ITGA9: variants seen among roughly 807,000 people sequenced by gnomAD.
The protein encoded by ITGA9 is integrin alpha-9.
Under a neutral mutation model 127.8 loss-of-function variants are expected in ITGA9, and 56 were observed. That is an observed-to-expected ratio of 0.44 (90% CI 0.35 to 0.55). The LOEUF is 0.55. Among genes scored for constraint, ITGA9 ranks in the 20% least tolerant of loss-of-function variants. The pLI, the probability that ITGA9 is intolerant of heterozygous loss-of-function variation, is 0.00. For missense variants in ITGA9, 1,196 were observed against 1,347.1 expected, an observed-to-expected ratio of 0.89 and a Z score of 1.76; for synonymous variants, 508 against 514.5, an observed-to-expected ratio of 0.99 and a Z score of 0.17.
chr3:37,741,405 G>A lies in ITGA9; in HGVS notation c.2235-325G>A, dbSNP rs577280492. On this transcript the variant is annotated intron_variant, in intron 20 of 27. Transcript: ENST00000264741. ...GTCCCCGCGAGACTGGGCCCTGGCT[G>A]CCGACAGCACGACCCTCCTGTATGG... 2.2e-3 allele frequency among the ~76,000 whole-genome samples: 341 copies of A among 152,236 alleles called. 1 individual carries two copies. The highest frequency in any genetic ancestry group is 3.1e-3 in the Non-Finnish European group (210 of 68,012).
chr3:37,655,195 T>C (rs1037930920), intron 17 of ITGA9, among the ~76,000 whole-genome samples: 6 of 152,374 alleles, frequency 3.9e-5, no homozygotes, highest in Non-Finnish European at 8.8e-5. Context: ...CATAATCCTT[T>C]GGGTATGTAT....
rs574131800 is a variant in ITGA9 at position 37,772,583 on chromosome 3, A to AC, written c.2542-4807dup. 9.9e-5 allele frequency among the ~76,000 whole-genome samples: 15 copies of AC among 151,938 alleles called. 2 individuals are homozygous for AC. In the South Asian group the frequency reaches 3.1e-3, roughly 32 times the overall value. On this transcript the variant is annotated intron_variant, in intron 23 of 27. Coordinates refer to ENST00000264741, the MANE Select transcript of ITGA9 (RefSeq NM_002207.3). ...GGTACCTGTTCAACACACTTAGAGGACCGCCTCCCTCCACCTTGATGACCC... is the reference window on the plus strand; with the variant it reads ...GGTACCTGTTCAACACACTTAGAGGACCCGCCTCCCTCCACCTTGATGACCC...
chr3:37,638,812 CTG>C (rs1269095959), intron 16 of ITGA9, among the ~76,000 whole-genome samples: 4 of 152,166 alleles, frequency 2.6e-5, no homozygotes, highest in African/African-American at 9.7e-5. Flanking sequence ...GCTGCACAGA[CTG>C]TGTGTGTAAC....
intron 15 of ITGA9, among the ~76,000 whole-genome samples, chr3:37,563,896 T>C (rs1699520434): frequency 6.6e-6 from 1 of 152,256 alleles, no homozygotes; most frequent in Non-Finnish European, 1.5e-5. Context: ...CCTTCCTTGA[T>C]GAGACCCAGA....
chr3:37,707,834 A>T (rs1366859680), intron 18 of ITGA9, among the ~76,000 whole-genome samples: 1 of 152,112 alleles, frequency 6.6e-6, no homozygotes, highest in Non-Finnish European at 1.5e-5. Context: ...CTTCTTAGAA[A>T]GTGGTGTGTG....
In ITGA9 at chr3:37,562,326, C is replaced by T. The variant is rs112583740; in HGVS notation, c.1689+19741C>T. Among the ~76,000 whole-genome samples, 1,145 of 152,310 alleles carry T rather than the reference C, an allele frequency of 7.5e-3. 11 individuals carry two copies. Among genetic ancestry groups the T allele is most frequent in the Non-Finnish European group, 9.8e-3 (665 of 68,032 alleles). On this transcript the variant is annotated intron_variant, in intron 15 of 27. Transcript: ENST00000264741. ...TGTCCCCATCCCCACTGCCTACTTC[C>T]TCCAGACTCAGCATCCTGAGTTCCT...
chr3:37,703,993 G>A (rs1358388275), intron 18 of ITGA9, among the ~76,000 whole-genome samples: 1 of 152,100 alleles, frequency 6.6e-6, no homozygotes, highest in Non-Finnish European at 1.5e-5. Flanking sequence ...ATTGGGGCTG[G>A]GGTTCAGGCA....
chr3:37,628,757 G>A (rs1700200686), intron 15 of ITGA9, among the ~76,000 whole-genome samples: 1 of 152,146 alleles, frequency 6.6e-6, no homozygotes, highest in Admixed American at 6.5e-5. Flanking sequence ...CTCAGTCTTT[G>A]GATTCCCTGC....
chr3:37,773,901 A>G (rs755853240), intron 23 of ITGA9, among the ~76,000 whole-genome samples: 2 of 152,238 alleles, frequency 1.3e-5, no homozygotes, highest in African/African-American at 2.4e-5. Context: ...TTTTATAAGA[A>G]TGATATATTA....
chr3:37,684,256 C>G (rs1195903625), intron 18 of ITGA9, among the ~76,000 whole-genome samples: 5 of 152,200 alleles, frequency 3.3e-5, no homozygotes, highest in Non-Finnish European at 7.3e-5. Flanking sequence ...TCTCCCATCC[C>G]TTCTCTCTTG....
intron 3 of ITGA9, 125 bp from the exon 4 acceptor site, chr3:37,481,359 G>A: frequency 6.2e-6 from 8 of 1,284,114 alleles, no homozygotes; most frequent in Non-Finnish European, 9.1e-6. Context: ...TTATGAAGGT[G>A]TGGCTTTCTG....
At chr3:37,565,609 G>A (rs1699538675) in intron 15 of ITGA9, among the ~76,000 whole-genome samples, 1 of 152,198 alleles carries the variant, frequency 6.6e-6, no homozygotes, top group Non-Finnish European at 1.5e-5. Context: ...TTCTGGAGGT[G>A]GATGGTGGTG....
At position 37,585,507 on chromosome 3, in the gene ITGA9, G is replaced by A. The variant is rs1699749280; in HGVS notation, c.1689+42922G>A. 1.1e-5 allele frequency: 5 copies of A among 454,856 alleles called. No individual in the cohort carries two copies. In the Admixed American group the frequency reaches 1.1e-4, roughly 10 times the overall value. The allele number at this position is 454,856 out of a possible 1,614,324, so 28.2% of individuals were successfully genotyped here. Reference sequence around the variant, plus strand: ...AAATAAGGTTTTACTTTTCTTCTTTGGGATTTCTTAGCATGCCCGTTGGGA... The same window carrying A: ...AAATAAGGTTTTACTTTTCTTCTTTAGGATTTCTTAGCATGCCCGTTGGGA... On this transcript the variant is annotated intron_variant, in intron 15 of 27. Transcript: ENST00000264741.
chr3:37,605,928 G>A (rs1310218336), intron 15 of ITGA9, among the ~76,000 whole-genome samples: 2 of 152,014 alleles, frequency 1.3e-5, no homozygotes, highest in Admixed American at 6.5e-5. Context: ...TCTGTAGGTG[G>A]TGCATGAGTA....
chr3:37,748,938 TTA>T, intron 22 of ITGA9: 2 of 688,472 alleles, frequency 2.9e-6, no homozygotes, highest in South Asian at 3.3e-5. Flanking sequence ...TCTGGACTGT[TTA>T]AAAAAAAAAA....
chr3:37,616,870 G>T (rs1700080055), intron 15 of ITGA9, among the ~76,000 whole-genome samples: 1 of 152,220 alleles, frequency 6.6e-6, no homozygotes, highest in Non-Finnish European at 1.5e-5. Flanking sequence ...CTGCACGTGA[G>T]ATGGGTCTGC....
chr3:37,527,327 G>A (rs571769106), intron 13 of ITGA9, among the ~76,000 whole-genome samples: 13 of 152,286 alleles, frequency 8.5e-5, no homozygotes, highest in African/African-American at 2.2e-4. Context: ...ATTATAAGTC[G>A]GGGACTATCT....
chr3:37,540,025 A>T (rs563518381), intron 14 of ITGA9, among the ~76,000 whole-genome samples: 1 of 152,322 alleles, frequency 6.6e-6, no homozygotes, highest in Non-Finnish European at 1.5e-5. Context: ...GGCAGTTGCA[A>T]TTTGGGCCGG....
intron 1 of ITGA9, among the ~76,000 whole-genome samples, chr3:37,454,075 G>A (rs1239358439): frequency 1.3e-5 from 2 of 152,338 alleles, no homozygotes; most frequent in Non-Finnish European, 2.9e-5. Flanking sequence ...CACCAGGCAC[G>A]CGGGAAGCAC....
Sources: allele counts gnomAD v4.1 joint callset (sites outside exome capture counted in the v4.1 genomes callset), GRCh38; gene constraint gnomAD v4.1.1; transcripts MANE v1.5; gene names NCBI Gene and HGNC (gene_info 2026-07-23, HGNC 2026-07-21).